The following RIC8B variants were observed in gnomAD, a reference collection of about 807,000 sequenced individuals.
The protein encoded by RIC8B is chaperone Ric-8B.
Under a neutral mutation model 57.5 loss-of-function variants are expected in RIC8B, and 16 were observed. The ratio of observed to expected loss-of-function variants is 0.28; its 90% CI spans 0.19 to 0.42. The LOEUF is 0.42. RIC8B is among the 10% of genes least tolerant of loss of function. The pLI is 1.00. For synonymous variants in RIC8B, 216 were observed against 250.8 expected (o/e 0.86, Z 1.31); for missense variants, 481 against 677.0 (o/e 0.71, Z 3.21).
intron 8 of RIC8B, among the ~76,000 whole-genome samples, chr12:106,863,410 G>A (rs990556659): frequency 3.9e-5 from 6 of 152,100 alleles, no homozygotes; most frequent in Non-Finnish European, 8.8e-5. Flanking sequence ...TTTCTCAGCT[G>A]TAGCTATGCC....
At chr12:106,870,077 CAAAA>C (rs1011613400) in intron 8 of RIC8B, among the ~76,000 whole-genome samples, 2 of 110,052 alleles carry the variant, frequency 1.8e-5, no homozygotes, top group African/African-American at 6.7e-5. Flanking sequence ...TTCCTGTCCT[CAAAA>C]AAAAAAAAAA....
intron 2 of RIC8B, among the ~76,000 whole-genome samples, chr12:106,798,826 A>C (rs1035798783): frequency 1.3e-5 from 2 of 152,072 alleles, no homozygotes; most frequent in Non-Finnish European, 2.9e-5. Context: ...TCTCTGGCAA[A>C]ATTTCTTATA....
chr12:106,846,375 C>T (rs937899035), intron 6 of RIC8B, among the ~76,000 whole-genome samples: 6 of 152,084 alleles, frequency 3.9e-5, no homozygotes, highest in African/African-American at 1.2e-4. Context: ...TTCATTTTTT[C>T]CCTCTGTATT....
At chr12:106,881,914 C>T (rs915062125) in intron 9 of RIC8B, among the ~76,000 whole-genome samples, 1 of 152,162 alleles carries the variant, frequency 6.6e-6, no homozygotes, top group Admixed American at 6.5e-5. Flanking sequence ...GACAAGAAAT[C>T]TCCTTTAAAC....
chr12:106,868,586 C>T (rs1020693412), intron 8 of RIC8B, among the ~76,000 whole-genome samples: 4 of 152,042 alleles, frequency 2.6e-5, no homozygotes, highest in African/African-American at 4.8e-5. Context: ...CATCTGGATA[C>T]GTCTCCATAG....
intron 7 of RIC8B, among the ~76,000 whole-genome samples, chr12:106,857,564 G>A (rs868027785): frequency 1.5e-4 from 23 of 152,196 alleles, no homozygotes; most frequent in African/African-American, 5.1e-4. Context: ...ATGCTGAATT[G>A]TTTCATTTAG....
chr12:106,855,050 A>G (rs142540789), intron 7 of RIC8B, among the ~76,000 whole-genome samples: 1 of 152,328 alleles, frequency 6.6e-6, no homozygotes, highest in African/African-American at 2.4e-5. Flanking sequence ...TAATTAAAAG[A>G]AGATGATTTG....
chr12:106,815,453 C>A, intron 3 of RIC8B, 149 bp downstream of exon 3: 1 of 765,106 alleles, frequency 1.3e-6, no homozygotes, highest in Admixed American at 2.8e-5. Context: ...GGATATACTT[C>A]TTAACCATTG....
chr12:106,815,640 T>C (rs1005539083), intron 3 of RIC8B, among the ~76,000 whole-genome samples: 2 of 152,210 alleles, frequency 1.3e-5, no homozygotes, highest in African/African-American at 4.8e-5. Flanking sequence ...CAAAACAATG[T>C]AGTTGATAAA....
intron 9 of RIC8B, among the ~76,000 whole-genome samples, chr12:106,872,389 C>T (rs1166717730): frequency 6.6e-6 from 1 of 152,182 alleles, no homozygotes; most frequent in Admixed American, 6.5e-5. Flanking sequence ...CAGAGTCAGG[C>T]CGGGCACAGT....
chr12:106,778,740 T>C (rs2043605550), intron 1 of RIC8B, among the ~76,000 whole-genome samples: 1 of 152,182 alleles, frequency 6.6e-6, no homozygotes, highest in Non-Finnish European at 1.5e-5. Context: ...TTCTGTGTTT[T>C]TGAGCACAGA....
At chr12:106,792,155 A>T (rs2044284912) in intron 2 of RIC8B, among the ~76,000 whole-genome samples, 1 of 152,242 alleles carries the variant, frequency 6.6e-6, no homozygotes, top group Non-Finnish European at 1.5e-5. Context: ...TTTACTTTTT[A>T]AAGTTCCTGT....
intron 4 of RIC8B, among the ~76,000 whole-genome samples, chr12:106,831,144 C>T (rs1178933989): frequency 6.6e-6 from 1 of 152,144 alleles, no homozygotes; most frequent in Non-Finnish European, 1.5e-5. Flanking sequence ...TTACCATGTC[C>T]TGCCAGTCTT....
At chr12:106,871,347 C>A (rs187747708) in intron 9 of RIC8B, 1 of 152,310 alleles carries the variant, frequency 6.6e-6, no homozygotes, top group South Asian at 2.1e-4. Context: ...TGCAATTACG[C>A]CTTTTTGGGT....
chr12:106,807,953 C>T (rs1008151953), intron 2 of RIC8B, among the ~76,000 whole-genome samples: 1 of 151,884 alleles, frequency 6.6e-6, no homozygotes, highest in East Asian at 1.9e-4. Context: ...GGTGTGGTGG[C>T]ACGTGTCTGT....
At position 106,889,093 on chromosome 12, in the gene RIC8B, T is replaced by C. The variant is rs1383861088; in HGVS notation, c.*3078T>C. 1.3e-5 allele frequency: 2 copies of C among 152,142 alleles called. No individual in the cohort carries two copies. The highest frequency in any genetic ancestry group is 4.8e-5 in the African/African-American group (2 of 41,428). The allele number at this position is 152,142 out of a possible 1,614,324, so 9.4% of individuals were successfully genotyped here. A position where few individuals can be genotyped will look rare whatever the true frequency, so the allele number is the denominator to read the frequency against. On this transcript the variant is annotated 3_prime_UTR_variant, in exon 10 of 10. Coordinates refer to ENST00000392837, the MANE Select transcript of RIC8B (RefSeq NM_001330145.2). ...GTAATATATGTTCATTGTGGAAAGT[T>C]TGGAAAATGCAGAAAATAAAATTAA...
intron 2 of RIC8B, among the ~76,000 whole-genome samples, chr12:106,813,091 T>C (rs2045408915): frequency 6.6e-6 from 1 of 152,106 alleles, no homozygotes; most frequent in Non-Finnish European, 1.5e-5. Context: ...TAAAACGATT[T>C]ACGTAGCATT....
Position 106,879,446 on chromosome 12 carries a change from T to C in RIC8B, c.1572-6458T>C. 1.0e-6 allele frequency: 1 copy of C among 985,188 alleles called. No homozygotes were observed. Among genetic ancestry groups the C allele is most frequent in the Middle Eastern group, 5.2e-4 (1 of 1,912 alleles). 61.0% of individuals were successfully genotyped at this position (985,188 alleles called of 1,614,324 possible). ...CTAAAAAGCAGAACCTTCTCTAAGGTGCTGAGAAGTCATATAAGCCCAGGC... is the reference window on the plus strand; with the variant it reads ...CTAAAAAGCAGAACCTTCTCTAAGGCGCTGAGAAGTCATATAAGCCCAGGC... On this transcript the variant is annotated intron_variant, in intron 9 of 9. Transcript: ENST00000392837. This position sits in a 1 kb window ranked among gnomAD's most constrained non-coding sequence, Gnocchi z 4.9.
At chr12:106,853,145 TG>T (rs1949549568) in intron 7 of RIC8B, among the ~76,000 whole-genome samples, 1 of 152,062 alleles carries the variant, frequency 6.6e-6, no homozygotes, top group African/African-American at 2.4e-5. Flanking sequence ...AGTTTTAAAA[TG>T]GGGAAAATAA....
Sources: allele counts gnomAD v4.1 joint callset (sites outside exome capture counted in the v4.1 genomes callset), GRCh38; gene constraint gnomAD v4.1.1; non-coding constraint Gnocchi (gnomAD v3.1); transcripts MANE v1.5; gene names NCBI Gene and HGNC (gene_info 2026-07-23, HGNC 2026-07-21).